KLHL29: variants seen among roughly 807,000 people sequenced by gnomAD.
KLHL29 encodes the protein kelch like family member 29, also known as kelch-like protein 29.
KLHL29 carries 21 observed loss-of-function variants against 80.4 expected under a neutral mutation model. The observed-to-expected ratio is 0.26, with a 90% CI of 0.19 to 0.38. KLHL29 has a LOEUF of 0.38. Among genes scored for constraint, KLHL29 ranks in the 10% least tolerant of loss-of-function variants. The pLI is 1.00. For synonymous variants in KLHL29, 511 were observed against 526.8 expected, an observed-to-expected ratio of 0.97 and a Z score of 0.41; for missense variants, 867 against 1,223.9, an observed-to-expected ratio of 0.71 and a Z score of 4.35.
chr2:23,433,415 T>TG (rs1412651401), intron 1 of KLHL29, among the ~76,000 whole-genome samples: 1 of 152,078 alleles, frequency 6.6e-6, no homozygotes, highest in African/African-American at 2.4e-5. Flanking sequence ...AATCTGGTGT[T>TG]GGGGGAGGAG....
chr2:23,517,703 G>A (rs1022210513), intron 2 of KLHL29, among the ~76,000 whole-genome samples: 33 of 152,184 alleles, frequency 2.2e-4, no homozygotes, highest in African/African-American at 6.0e-4. Flanking sequence ...TCCATGTGTC[G>A]CCGGAGTCCA....
chr2:23,511,990 CAG>C (rs1393608568), intron 2 of KLHL29, among the ~76,000 whole-genome samples: 8 of 152,162 alleles, frequency 5.3e-5, no homozygotes, highest in Admixed American at 1.3e-4. Context: ...GGAGACCACA[CAG>C]AGATAAATAT....
rs185662043 is a variant in KLHL29, at chr2:23,645,610, C to T, written c.940+2760C>T. Among the ~76,000 whole-genome samples, 16 of 152,304 alleles carry T rather than the reference C, an allele frequency of 1.1e-4. No homozygotes were observed. In the East Asian group the frequency reaches 1.9e-3, roughly 18 times the overall value. On this transcript the variant is annotated intron_variant, in intron 5 of 13. Transcript: ENST00000486442. ...TTTGACGTGACAACCTGGCCTCTCC[C>T]GGGGTTGAGTAATTATGGGGAGATT...
At chr2:23,403,286 T>C (rs1558325143) in intron 1 of KLHL29, among the ~76,000 whole-genome samples, 2 of 152,146 alleles carry the variant, frequency 1.3e-5, no homozygotes, top group African/African-American at 4.8e-5. Context: ...TTAAGACTGA[T>C]GAAAACAGAA....
chr2:23,455,605 ATTTTTTTT>A (rs397873479), intron 1 of KLHL29, among the ~76,000 whole-genome samples: 1 of 105,996 alleles, frequency 9.4e-6, no homozygotes, highest in Non-Finnish European at 1.9e-5. Flanking sequence ...TGGTCTCCTG[ATTTTTTTT>A]TTTTTTTTTT....
At chr2:23,589,596 G>A (rs1668206202) in intron 3 of KLHL29, among the ~76,000 whole-genome samples, 1 of 152,228 alleles carries the variant, frequency 6.6e-6, no homozygotes, top group Admixed American at 6.5e-5. Flanking sequence ...CAGGACCCCA[G>A]AGAAGATCTC....
intron 3 of KLHL29, among the ~76,000 whole-genome samples, chr2:23,569,903 C>T (rs112975512): frequency 1.3e-5 from 2 of 152,146 alleles, no homozygotes; most frequent in African/African-American, 2.4e-5. Flanking sequence ...CCTAAGCCTT[C>T]GAAAAGCACA....
chr2:23,565,530 C>T (rs978314938), intron 3 of KLHL29, among the ~76,000 whole-genome samples: 1 of 152,116 alleles, frequency 6.6e-6, no homozygotes, highest in Non-Finnish European at 1.5e-5. Context: ...GGGAAGAGGC[C>T]GTCTAGCGGG....
intron 3 of KLHL29, among the ~76,000 whole-genome samples, chr2:23,564,239 A>G (rs1667530441): frequency 6.6e-6 from 1 of 152,212 alleles, no homozygotes; most frequent in Non-Finnish European, 1.5e-5. Context: ...TGCTGCCTGC[A>G]GAGCTCCCGC....
chr2:23,402,860 G>GTA (rs1359714854), intron 1 of KLHL29, among the ~76,000 whole-genome samples: 1 of 142,672 alleles, frequency 7.0e-6, no homozygotes, highest in South Asian at 2.3e-4. Context: ...ATATGTGTGT[G>GTA]TATATATATG....
At chr2:23,572,763 C>G (rs994732539) in intron 3 of KLHL29, among the ~76,000 whole-genome samples, 1 of 150,792 alleles carries the variant, frequency 6.6e-6, no homozygotes, top group Non-Finnish European at 1.5e-5. Context: ...TGCAGTGGCA[C>G]GATCTCAGCT....
intron 3 of KLHL29, among the ~76,000 whole-genome samples, chr2:23,581,877 C>T (rs868347224): frequency 6.7e-6 from 1 of 148,944 alleles, no homozygotes; most frequent in Admixed American, 6.7e-5. Context: ...TTCATTGTGC[C>T]GTTTTTAAGT....
chr2:23,513,492 C>T (rs1456720855), intron 2 of KLHL29, among the ~76,000 whole-genome samples: 1 of 152,176 alleles, frequency 6.6e-6, no homozygotes, highest in Non-Finnish European at 1.5e-5. Flanking sequence ...TCTGCTAGAA[C>T]CAGGCAGGTT....
At chr2:23,586,954 T>TA (rs1668135759) in intron 3 of KLHL29, among the ~76,000 whole-genome samples, 1 of 152,162 alleles carries the variant, frequency 6.6e-6, no homozygotes, top group Non-Finnish European at 1.5e-5. Flanking sequence ...CGGAAGGATA[T>TA]AAAAACCAGT....
At chr2:23,490,806 C>T (rs1665076269) in intron 2 of KLHL29, among the ~76,000 whole-genome samples, 1 of 152,190 alleles carries the variant, frequency 6.6e-6, no homozygotes, top group Non-Finnish European at 1.5e-5. Context: ...CCTAAACCCC[C>T]CCATGCCAGC....
At chr2:23,664,592 T>C (rs1670504086) in intron 5 of KLHL29, among the ~76,000 whole-genome samples, 1 of 152,204 alleles carries the variant, frequency 6.6e-6, no homozygotes, top group African/African-American at 2.4e-5. Context: ...CCTAACAGTC[T>C]TGGGTTTGTT....
chr2:23,609,515 C>T (rs1419435914), intron 3 of KLHL29, among the ~76,000 whole-genome samples: 1 of 151,982 alleles, frequency 6.6e-6, no homozygotes, highest in East Asian at 1.9e-4. Flanking sequence ...GTGTGCTCTT[C>T]AGAATGCGCC....
intron 1 of KLHL29, among the ~76,000 whole-genome samples, chr2:23,445,377 T>C (rs1663643278): frequency 6.6e-6 from 1 of 152,244 alleles, no homozygotes; most frequent in Non-Finnish European, 1.5e-5. Context: ...GTCCTCTATA[T>C]TCTTCTTCAC....
At chr2:23,410,666 T>TTGC (rs1324730833) in intron 1 of KLHL29, among the ~76,000 whole-genome samples, 15 of 152,130 alleles carry the variant, frequency 9.9e-5, no homozygotes, top group African/African-American at 1.9e-4. Context: ...TTCAGACCTC[T>TTGC]TGCTGCTGCT....
Sources: gnomAD v4.1 joint callset for allele counts (sites outside exome capture counted in the v4.1 genomes callset) on GRCh38, gnomAD v4.1.1 for gene constraint, MANE v1.5 for transcripts, NCBI Gene and HGNC (gene_info 2026-07-23, HGNC 2026-07-21) for gene names.